GAB2: variants seen among roughly 807,000 people sequenced by gnomAD.
GAB2 encodes the protein GRB2 associated binding protein 2.
A neutral mutation model predicts 65.5 loss-of-function variants in GAB2; 26 were observed. The observed-to-expected ratio is 0.40, with a 90% CI of 0.29 to 0.55. The LOEUF is 0.55. GAB2 is among the 20% of genes least tolerant of loss of function. The pLI, the probability that GAB2 is intolerant of heterozygous loss-of-function variation, is 0.53. For synonymous variants in GAB2, 321 were observed against 329.6 expected (o/e 0.97, Z 0.28); for missense variants, 884 against 875.8 (o/e 1.01, Z -0.12).
chr11:78,236,575 C>T (rs1864987471), intron 3 of GAB2, among the ~76,000 whole-genome samples: 1 of 152,198 alleles, frequency 6.6e-6, no homozygotes, highest in Non-Finnish European at 1.5e-5. Context: ...AATATTTCTC[C>T]ATTAGGTATG....
chr11:78,400,550 C>G (rs540154831), intron 1 of GAB2, among the ~76,000 whole-genome samples: 120 of 152,266 alleles, frequency 7.9e-4, no homozygotes, highest in Non-Finnish European at 1.3e-3. Context: ...TTCTTATAAG[C>G]TTAAAGTTAC....
chr11:78,311,951 C>CT (rs745803142), intron 1 of GAB2, among the ~76,000 whole-genome samples: 40 of 152,142 alleles, frequency 2.6e-4, no homozygotes, highest in Admixed American at 3.9e-4. Context: ...ACAATTTTAC[C>CT]TAACAAACAA....
intron 1 of GAB2, among the ~76,000 whole-genome samples, chr11:78,394,057 G>T (rs1856865010): frequency 6.6e-6 from 1 of 152,200 alleles, no homozygotes; most frequent in Non-Finnish European, 1.5e-5. Context: ...GGGAGGCCGT[G>T]GCAGGCAGAT....
At position 78,246,371 on chromosome 11, in the gene GAB2, T is replaced by C. The variant is rs1375865028; in HGVS notation, c.620+3786A>G. 3.9e-5 allele frequency among the ~76,000 whole-genome samples: 6 copies of C among 152,334 alleles called. No individual in the cohort carries two copies. In the East Asian group the frequency reaches 7.7e-4, roughly 20 times the overall value. ...TTGAGGTTTGTACCTGTGACTTCCA[T>C]TGAGAATGGGTTATATTTTTCTGGT... On this transcript the variant is annotated intron_variant, in intron 3 of 9. Transcript: ENST00000361507.
chr11:78,248,267 T>C (rs1276797053), intron 3 of GAB2, among the ~76,000 whole-genome samples: 1 of 152,150 alleles, frequency 6.6e-6, no homozygotes, highest in Non-Finnish European at 1.5e-5. Flanking sequence ...TAAAGGCTAA[T>C]TCAAGCAGAG....
At chr11:78,316,498 C>G (rs1307477531) in intron 1 of GAB2, among the ~76,000 whole-genome samples, 1 of 152,156 alleles carries the variant, frequency 6.6e-6, no homozygotes, top group East Asian at 1.9e-4. Context: ...GAATAGACAT[C>G]TCTCCAAAGA....
intron 1 of GAB2, among the ~76,000 whole-genome samples, chr11:78,345,328 G>A (rs1158591562): frequency 6.6e-6 from 1 of 152,058 alleles, no homozygotes; most frequent in Non-Finnish European, 1.5e-5. Context: ...TGAAGACTGG[G>A]CAAATAGATG....
intron 1 of GAB2, among the ~76,000 whole-genome samples, chr11:78,315,760 A>G (rs1855590393): frequency 6.6e-6 from 1 of 152,208 alleles, no homozygotes; most frequent in South Asian, 2.1e-4. Flanking sequence ...TTTGCAAATC[A>G]TATATCTGGT....
At chr11:78,289,306 C>T (rs577018201) in intron 1 of GAB2, among the ~76,000 whole-genome samples, 1 of 152,224 alleles carries the variant, frequency 6.6e-6, no homozygotes, top group South Asian at 2.1e-4. Context: ...ATCAAGCATC[C>T]ATAGGGGAGT....
chr11:78,341,301 T>C (rs760149901), intron 1 of GAB2, among the ~76,000 whole-genome samples: 2 of 152,202 alleles, frequency 1.3e-5, no homozygotes, highest in Non-Finnish European at 2.9e-5. Context: ...TCTAGGCATA[T>C]TGGTAATATT....
chr11:78,412,856 G>A (rs1015183425), intron 1 of GAB2, among the ~76,000 whole-genome samples: 1 of 152,318 alleles, frequency 6.6e-6, no homozygotes. Flanking sequence ...CTGGTACAAA[G>A]TAAGTGCTCA....
At chr11:78,221,535 G>C (rs1165388555) in intron 8 of GAB2, 142 bp downstream of exon 8, 1 of 479,158 alleles carries the variant, frequency 2.1e-6, no homozygotes, top group Admixed American at 3.5e-5. Flanking sequence ...CTCAAGAAGG[G>C]TTTGTAGCAG....
chr11:78,392,767 TCTC>T (rs1157483122), intron 1 of GAB2, among the ~76,000 whole-genome samples: 1 of 152,142 alleles, frequency 6.6e-6, no homozygotes, highest in Non-Finnish European at 1.5e-5. Flanking sequence ...TTTAAACTGT[TCTC>T]ATTATTTGAA....
rs964722504 is a variant in GAB2 at position 78,227,130 on chromosome 11, T to C, written c.621-79A>G. Reference sequence around the variant, plus strand: ...GACCTTGAGGCAAAGCACTTTCTCTTTCTATACTTTGGTTTAGGCATCTGT... The same window carrying C: ...GACCTTGAGGCAAAGCACTTTCTCTCTCTATACTTTGGTTTAGGCATCTGT... On this transcript the variant is annotated intron_variant, in intron 3 of 9. Transcript: ENST00000361507. 26 of 967,662 alleles carry C rather than the reference T, an allele frequency of 2.7e-5. No individual in the cohort carries two copies. The South Asian group carries it at 3.4e-4, about 13-fold the overall frequency. 59.9% of individuals were successfully genotyped at this position (967,662 alleles called of 1,614,324 possible). A position where few individuals can be genotyped will look rare whatever the true frequency, so the allele number is the denominator to read the frequency against.
At chr11:78,236,398 G>T (rs1166049338) in intron 3 of GAB2, among the ~76,000 whole-genome samples, 1 of 152,128 alleles carries the variant, frequency 6.6e-6, no homozygotes, top group African/African-American at 2.4e-5. Context: ...GTATCCACCT[G>T]CCTCAGCATC....
chr11:78,303,688 T>C (rs1867094305), intron 1 of GAB2, among the ~76,000 whole-genome samples: 1 of 152,160 alleles, frequency 6.6e-6, no homozygotes, highest in South Asian at 2.1e-4. Flanking sequence ...TTTGTCAATT[T>C]TTACCCAAAA....
chr11:78,351,341 T>C (rs1591058999), intron 1 of GAB2, among the ~76,000 whole-genome samples: 1 of 151,888 alleles, frequency 6.6e-6, no homozygotes, highest in East Asian at 1.9e-4. Flanking sequence ...GCAGAACTGC[T>C]CTAGGGGGCA....
At chr11:78,325,452 G>C (rs1258732078) in intron 1 of GAB2, among the ~76,000 whole-genome samples, 2 of 152,160 alleles carry the variant, frequency 1.3e-5, no homozygotes, top group African/African-American at 2.4e-5. Flanking sequence ...CTAGTCCACT[G>C]ATCATTCCAG....
At chr11:78,376,026 C>T (rs2134733261) in intron 1 of GAB2, among the ~76,000 whole-genome samples, 1 of 152,330 alleles carries the variant, frequency 6.6e-6, no homozygotes, top group African/African-American at 2.4e-5. Flanking sequence ...TTTATTTAAA[C>T]TTGCATGTGC....
Sources: allele counts gnomAD v4.1 joint callset (sites outside exome capture counted in the v4.1 genomes callset), GRCh38; gene constraint gnomAD v4.1.1; transcripts MANE v1.5; gene names NCBI Gene and HGNC (gene_info 2026-07-23, HGNC 2026-07-21).